Variants in SCLT1 observed in about 807,000 individuals in gnomAD.
SCLT1 encodes the protein sodium channel-associated protein 1.
A neutral mutation model predicts 112.8 loss-of-function variants in SCLT1; 78 were observed. The ratio of observed to expected loss-of-function variants is 0.69; its 90% CI spans 0.58 to 0.83. The LOEUF (loss-of-function observed/expected upper bound fraction) is 0.83, where lower values mean the gene tolerates loss of function less well. Ranked by LOEUF, SCLT1 falls within the 40% of genes least tolerant of loss-of-function variation. The pLI is 0.00. For synonymous variants in SCLT1, 257 were observed against 254.7 expected (o/e 1.01, Z -0.09); for missense variants, 747 against 770.4 (o/e 0.97, Z 0.36).
intron 2 of SCLT1, among the ~76,000 whole-genome samples, chr4:129,048,698 C>T (rs555661142): frequency 2.0e-5 from 3 of 152,246 alleles, no homozygotes; most frequent in Admixed American, 6.5e-5. Context: ...AGGCAACCTA[C>T]AAAATGGGAG....
chr4:129,004,998 T>C (rs1560952896), intron 5 of SCLT1, among the ~76,000 whole-genome samples: 1 of 151,822 alleles, frequency 6.6e-6, no homozygotes, highest in African/African-American at 2.4e-5. Flanking sequence ...ATGATCAGTA[T>C]AGAAATATAA....
chr4:129,075,480 A>C (rs1751382933), intron 2 of SCLT1, among the ~76,000 whole-genome samples: 1 of 152,184 alleles, frequency 6.6e-6, no homozygotes, highest in African/African-American at 2.4e-5. Flanking sequence ...CATCCCTTCA[A>C]GGTTTTACGT....
chr4:128,981,735 C>T (rs1054333562), intron 9 of SCLT1, among the ~76,000 whole-genome samples: 2 of 137,520 alleles, frequency 1.5e-5, no homozygotes, highest in Non-Finnish European at 3.1e-5. Context: ...TCTGCTCTCC[C>T]ACAAAAAAAA....
intron 5 of SCLT1, among the ~76,000 whole-genome samples, chr4:129,026,521 T>C (rs1185537252): frequency 6.6e-6 from 1 of 151,746 alleles, no homozygotes; most frequent in African/African-American, 2.4e-5. Context: ...AGACACAACA[T>C]ACCAGAATCT....
At chr4:128,895,484 T>C (rs1426823214) in intron 18 of SCLT1, among the ~76,000 whole-genome samples, 1 of 152,172 alleles carries the variant, frequency 6.6e-6, no homozygotes, top group African/African-American at 2.4e-5. Flanking sequence ...GTTTATATTA[T>C]TTTTTAGATT....
rs185162158 is a variant in SCLT1, at chr4:128,934,341, C to A, written c.1829+2314G>T. ...TCACTCTTAGATAATAAGTAGAATACTATACATACTGTTATATTACTTTTT... is the reference window on the plus strand; with the variant it reads ...TCACTCTTAGATAATAAGTAGAATAATATACATACTGTTATATTACTTTTT... On this transcript the variant is annotated intron_variant, in intron 18 of 20. Transcript: ENST00000281142. Among the ~76,000 whole-genome samples the A allele has an allele frequency of 3.3e-5, 5 of 151,756 alleles. No homozygotes were observed. In the East Asian group the frequency reaches 9.6e-4, roughly 29 times the overall value.
chr4:129,019,201 C>T (rs1745239103), intron 5 of SCLT1, among the ~76,000 whole-genome samples: 1 of 152,072 alleles, frequency 6.6e-6, no homozygotes, highest in Non-Finnish European at 1.5e-5. Flanking sequence ...AAGAAAATTA[C>T]CCAGGCAGGG....
intron 2 of SCLT1, among the ~76,000 whole-genome samples, chr4:129,050,400 T>C (rs1748666086): frequency 6.6e-6 from 1 of 152,176 alleles, no homozygotes; most frequent in African/African-American, 2.4e-5. Flanking sequence ...CAGCATCTAT[T>C]GTTTCTTGAC....
intron 12 of SCLT1, among the ~76,000 whole-genome samples, chr4:128,959,204 G>A (rs543759250): frequency 5.3e-5 from 8 of 152,204 alleles, no homozygotes; most frequent in East Asian, 1.9e-4. Flanking sequence ...TTAAGCTTCC[G>A]CTTTAATAAA....
At chr4:128,942,170 C>G (rs1176452527) in intron 17 of SCLT1, among the ~76,000 whole-genome samples, 1 of 151,920 alleles carries the variant, frequency 6.6e-6, no homozygotes, top group Non-Finnish European at 1.5e-5. Flanking sequence ...TTTCGGAGTT[C>G]AAGGTTTTAC....
chr4:128,952,195 T>A (rs1738814601), intron 14 of SCLT1: 2 of 384,610 alleles, frequency 5.2e-6, no homozygotes, highest in Non-Finnish European at 1.0e-5. Context: ...TAAAAAGTGA[T>A]ACAGGGAGTC....
intron 2 of SCLT1, among the ~76,000 whole-genome samples, chr4:129,052,904 T>C (rs1395644579): frequency 2.6e-5 from 4 of 152,196 alleles, no homozygotes; most frequent in African/African-American, 4.8e-5. Flanking sequence ...TTTAAATATG[T>C]CCAAGAGATT....
chr4:128,913,071 G>T (rs1013203056), intron 18 of SCLT1, among the ~76,000 whole-genome samples: 1 of 152,190 alleles, frequency 6.6e-6, no homozygotes, highest in African/African-American at 2.4e-5. Context: ...AGGTTTGTTG[G>T]TTTGCTTCAA....
chr4:128,899,779 C>T (rs376393814), intron 18 of SCLT1, among the ~76,000 whole-genome samples: 16 of 152,056 alleles, frequency 1.1e-4, no homozygotes, highest in South Asian at 2.1e-4. Context: ...GAAAACCCCA[C>T]TGTCTCAGCC....
chr4:128,951,135 TATACTA>T lies in SCLT1; in HGVS notation c.1218+1628_1218+1633del, dbSNP rs539042667. 5.8e-3 allele frequency among the ~76,000 whole-genome samples: 877 copies of T among 152,232 alleles called. 7 individuals are homozygous for T. Among genetic ancestry groups the T allele is most frequent in the Middle Eastern group, 0.034 (10 of 294 alleles). On this transcript the variant is annotated intron_variant, in intron 14 of 20. Coordinates refer to ENST00000281142, the MANE Select transcript of SCLT1 (RefSeq NM_144643.4). ...TAAATAGTATAGATGGATAGTATAT[TATACTA>T]ATACTATTAGTCTAGATAGTAAAAT...
At chr4:129,054,878 C>T (rs1226248514) in intron 2 of SCLT1, among the ~76,000 whole-genome samples, 2 of 152,204 alleles carry the variant, frequency 1.3e-5, no homozygotes, top group African/African-American at 4.8e-5. Flanking sequence ...TTTTCCTCAT[C>T]ATCATGGATT....
intron 2 of SCLT1, among the ~76,000 whole-genome samples, chr4:129,062,954 A>G (rs1458145130): frequency 6.6e-6 from 1 of 152,098 alleles, no homozygotes; most frequent in African/African-American, 2.4e-5. Context: ...TTCAGACATC[A>G]TTTCTTTAAG....
At chr4:129,087,778 A>T (rs999220265) in intron 1 of SCLT1, among the ~76,000 whole-genome samples, 1 of 149,912 alleles carries the variant, frequency 6.7e-6, no homozygotes, top group African/African-American at 2.4e-5. Flanking sequence ...AAAAAAAGGA[A>T]GAAAAAAAAA....
chr4:128,936,952 G>A, intron 17 of SCLT1, 101 bp from the exon 18 acceptor site: 1 of 517,292 alleles, frequency 1.9e-6, no homozygotes, highest in Non-Finnish European at 3.2e-6. Context: ...GTTGTCTGAG[G>A]GACAAAAATG....
Sources: gnomAD v4.1 joint callset for allele counts (sites outside exome capture counted in the v4.1 genomes callset) on GRCh38, gnomAD v4.1.1 for gene constraint, MANE v1.5 for transcripts, NCBI Gene and HGNC (gene_info 2026-07-23, HGNC 2026-07-21) for gene names.